Variants in PCDH11Y observed in about 807,000 individuals in gnomAD.
PCDH11Y encodes protocadherin 11 Y-linked.
For missense variants in PCDH11Y, 12 were observed against 224.8 expected (o/e 0.05, Z 6.05); for synonymous variants, 9 against 83.6 (o/e 0.11, Z 4.87).
chrY:5,319,905 T>C, intron 2 of PCDH11Y, among the ~76,000 whole-genome samples: 1 of 33,203 alleles, frequency 3.0e-5, no homozygotes, highest in African/African-American at 1.2e-4. Flanking sequence ...TGTTTTTTTC[T>C]CCAAAAATAC....
At chrY:5,082,259 G>C in intron 1 of PCDH11Y, among the ~76,000 whole-genome samples, 1 of 33,529 alleles carries the variant, frequency 3.0e-5, no homozygotes, top group Non-Finnish European at 7.4e-5. Flanking sequence ...TTTGCTGCTG[G>C]ATTCAGTTTG....
intron 2 of PCDH11Y, among the ~76,000 whole-genome samples, chrY:5,334,369 G>A: frequency 2.9e-5 from 1 of 34,096 alleles, no homozygotes; most frequent in Non-Finnish European, 7.3e-5. Flanking sequence ...ACAGCTTAAA[G>A]GTTAGAAGCA....
At chrY:5,031,307 C>T (rs2124621547) in intron 1 of PCDH11Y, among the ~76,000 whole-genome samples, 1 of 32,151 alleles carries the variant, frequency 3.1e-5, no homozygotes, top group Non-Finnish European at 7.6e-5. Flanking sequence ...ATCATAATAA[C>T]GAATAATAAG....
chrY:5,400,101 T>G (rs2053231388), intron 2 of PCDH11Y, among the ~76,000 whole-genome samples: 5 of 33,223 alleles, frequency 1.5e-4, no homozygotes, highest in Admixed American at 1.1e-3. Flanking sequence ...ACATATTTAT[T>G]GACAGCGAGC....
intron 2 of PCDH11Y, among the ~76,000 whole-genome samples, chrY:5,434,300 T>A: frequency 1.2e-4 from 4 of 32,879 alleles, no homozygotes; most frequent in South Asian, 1.4e-3. Context: ...TTGTGTACAG[T>A]ACACAAATGG....
At chrY:5,653,064 C>T (rs2053532840) in intron 4 of PCDH11Y, among the ~76,000 whole-genome samples, 1 of 31,685 alleles carries the variant, frequency 3.2e-5, no homozygotes, top group African/African-American at 1.2e-4. Flanking sequence ...ATAGCATCAA[C>T]ACCAACAAAA....
chrY:5,540,108 C>G, intron 3 of PCDH11Y, among the ~76,000 whole-genome samples: 1 of 32,413 alleles, frequency 3.1e-5, no homozygotes, highest in South Asian at 6.8e-4. Flanking sequence ...CTCCCCTTCA[C>G]TCCCTGCCTT....
In PCDH11Y at chrY:5,592,424, A is replaced by ATG. The variant is rs2053463237; in HGVS notation, c.3352+10630_3352+10631dup. ...GCTCATGGGTGTCACTGCATGTGAG[A>ATG]TGTGTCTCTCAAAGACAGCATAACA... On this transcript the variant is annotated intron_variant, in intron 4 of 4. Transcript: ENST00000400457. 1.0e-4 allele frequency among the ~76,000 whole-genome samples: 3 copies of ATG among 29,335 alleles called. No homozygotes were observed. The South Asian group carries it at 2.4e-3, about 24-fold the overall frequency. 78.7% of individuals were successfully genotyped at this position (29,335 alleles called of 37,273 possible).
At chrY:5,009,193 G>A in intron 1 of PCDH11Y, among the ~76,000 whole-genome samples, 1 of 33,144 alleles carries the variant, frequency 3.0e-5, no homozygotes, top group African/African-American at 1.2e-4. Flanking sequence ...TTTAATAATA[G>A]TATCTTATCA....
chrY:5,053,485 G>T, upstream of PCDH11Y, among the ~76,000 whole-genome samples: 21 of 30,850 alleles, frequency 6.8e-4, no homozygotes, highest in African/African-American at 2.7e-3. Context: ...ATATGATGAT[G>T]GTATTGTGGA....
chrY:5,195,170 A>T, intron 2 of PCDH11Y, among the ~76,000 whole-genome samples: 1 of 33,454 alleles, frequency 3.0e-5, no homozygotes, highest in Non-Finnish European at 7.4e-5. Context: ...GCTTTAATGA[A>T]AATTAGCAAT....
intron 2 of PCDH11Y, among the ~76,000 whole-genome samples, chrY:5,157,504 C>T (rs2052870620): frequency 1.6e-3 from 54 of 33,027 alleles, no homozygotes; most frequent in Non-Finnish European, 2.6e-3. Context: ...GGATATGTCT[C>T]CATCCAAACA....
At chrY:5,163,383 C>G in intron 2 of PCDH11Y, among the ~76,000 whole-genome samples, 2 of 33,092 alleles carry the variant, frequency 6.0e-5, no homozygotes, top group Non-Finnish European at 1.5e-4. Flanking sequence ...GAAATGTGGA[C>G]ATACAAAAAC....
intron 2 of PCDH11Y, among the ~76,000 whole-genome samples, chrY:5,186,370 T>C: frequency 1.5e-4 from 4 of 27,545 alleles, no homozygotes; most frequent in Non-Finnish European, 3.4e-4. Context: ...TGGGTATTAG[T>C]CTCTTCTCAT....
intron 2 of PCDH11Y, among the ~76,000 whole-genome samples, chrY:5,448,093 C>A (rs2053289233): frequency 3.1e-5 from 1 of 31,938 alleles, no homozygotes; most frequent in East Asian, 8.3e-4. Context: ...CAGGCTCTGA[C>A]AATAGCATTC....
At chrY:5,439,483 A>G (rs2053278631) in intron 2 of PCDH11Y, among the ~76,000 whole-genome samples, 1 of 33,140 alleles carries the variant, frequency 3.0e-5, no homozygotes, top group African/African-American at 1.2e-4. Context: ...CAGACATTAT[A>G]TATACATTTT....
intron 2 of PCDH11Y, among the ~76,000 whole-genome samples, chrY:5,229,508 G>C (rs2052965676): frequency 3.3e-5 from 1 of 30,312 alleles, no homozygotes; most frequent in Non-Finnish European, 7.8e-5. Context: ...GTAGAGACGG[G>C]TTTCACCATG....
chrY:5,249,301 C>CA (rs2124656627), intron 2 of PCDH11Y, among the ~76,000 whole-genome samples: 1 of 32,084 alleles, frequency 3.1e-5, no homozygotes, highest in Non-Finnish European at 7.6e-5. Context: ...AAACAAAAAA[C>CA]AAAAAACAAA....
At chrY:5,231,891 T>C (rs2052968309) in intron 2 of PCDH11Y, among the ~76,000 whole-genome samples, 1 of 33,049 alleles carries the variant, frequency 3.0e-5, no homozygotes, top group Non-Finnish European at 7.5e-5. Context: ...TTTCCCCCTC[T>C]TTCCAAAGGC....
Sources: allele counts gnomAD v4.1 joint callset (sites outside exome capture counted in the v4.1 genomes callset), GRCh38; gene constraint gnomAD v4.1.1; transcripts MANE v1.5; gene names NCBI Gene and HGNC (gene_info 2026-07-23, HGNC 2026-07-21).